The following MYT1L variants were observed in gnomAD, a reference collection of about 807,000 sequenced individuals.
The protein encoded by MYT1L is myelin transcription factor 1 like, also known as myelin transcription factor 1-like protein.
MYT1L carries 12 observed loss-of-function variants against 126.7 expected under a neutral mutation model. The observed-to-expected ratio is 0.09, with a 90% CI of 0.06 to 0.15. The LOEUF is 0.15. Ranked by LOEUF, MYT1L falls within the 10% of genes least tolerant of loss-of-function variation. The probability of loss-of-function intolerance (pLI) is 1.00; values close to 1 mark genes in which losing one functional copy is unlikely to be tolerated. For synonymous variants in MYT1L, 541 were observed against 604.2 expected, an observed-to-expected ratio of 0.90 and a Z score of 1.53; for missense variants, 979 against 1,585.2, an observed-to-expected ratio of 0.62 and a Z score of 6.49.
At chr2:1,983,977 TTCTAAG>T (rs2060807967) in intron 5 of MYT1L, among the ~76,000 whole-genome samples, 9 of 152,368 alleles carry the variant, frequency 5.9e-5, no homozygotes, top group Admixed American at 5.9e-4. Flanking sequence ...TAAGGACGTT[TTCTAAG>T]ATTTAAAATT....
intron 3 of MYT1L, among the ~76,000 whole-genome samples, chr2:2,127,254 A>G (rs1411162904): frequency 2.6e-5 from 4 of 151,974 alleles, no homozygotes; most frequent in Non-Finnish European, 4.4e-5. Flanking sequence ...TCCACCCCAT[A>G]TGTGTTTTAG....
chr2:2,006,602 G>A (rs1217758223), intron 4 of MYT1L, among the ~76,000 whole-genome samples: 1 of 151,930 alleles, frequency 6.6e-6, no homozygotes, highest in Non-Finnish European at 1.5e-5. Flanking sequence ...TTGAGACAGG[G>A]TCTCACTCTG....
intron 4 of MYT1L, among the ~76,000 whole-genome samples, chr2:2,003,942 A>AGTTCTTTCCTGCATGC (rs1476429382): frequency 8.1e-5 from 12 of 148,950 alleles, no homozygotes; most frequent in African/African-American, 2.2e-4. Flanking sequence ...TTCCTGCATG[A>AGTTCTTTCCTGCATGC]GTTCTTTCCT....
rs76657064 is a variant in MYT1L at position 1,964,156 on chromosome 2, C to A, written c.152+15009G>T. Among the ~76,000 whole-genome samples, 634 of 152,180 alleles carry A rather than the reference C, an allele frequency of 4.2e-3. 2 individuals are homozygous for A. Among genetic ancestry groups the A allele is most frequent in the Non-Finnish European group, 7.6e-3 (517 of 68,016 alleles). On this transcript the variant is annotated intron_variant, in intron 8 of 24. Transcript: ENST00000647738. Reference sequence around the variant, plus strand: ...TATTGTGTCTCAGGGAATAGGAAGGCCTGAGGAGCAGGGAGAGGTGGTGGA... The same window carrying A: ...TATTGTGTCTCAGGGAATAGGAAGGACTGAGGAGCAGGGAGAGGTGGTGGA...
intron 18 of MYT1L, among the ~76,000 whole-genome samples, chr2:1,878,303 T>C (rs1355289217): frequency 6.6e-6 from 1 of 152,038 alleles, no homozygotes; most frequent in Non-Finnish European, 1.5e-5. Flanking sequence ...ACAAACTGCA[T>C]TAAACAAAAA....
chr2:2,266,865 C>T (rs983541066), intron 2 of MYT1L, among the ~76,000 whole-genome samples: 2 of 152,224 alleles, frequency 1.3e-5, no homozygotes, highest in African/African-American at 2.4e-5. Context: ...GACTTTGCTT[C>T]TCCCTTGCCT....
chr2:1,978,940 G>A (rs2060384679), intron 8 of MYT1L, among the ~76,000 whole-genome samples: 1 of 152,092 alleles, frequency 6.6e-6, no homozygotes. Flanking sequence ...GCCTGAATTT[G>A]TGTCATCCTA....
intron 2 of MYT1L, among the ~76,000 whole-genome samples, chr2:2,207,928 G>A (rs576027818): frequency 2.0e-5 from 3 of 152,102 alleles, no homozygotes; most frequent in South Asian, 2.1e-4. Context: ...CCCGAAGCAC[G>A]TCTCTCTCTG....
chr2:1,860,215 T>TGCCAGA (rs1409314884), intron 18 of MYT1L, among the ~76,000 whole-genome samples: 1 of 152,172 alleles, frequency 6.6e-6, no homozygotes, highest in East Asian at 1.9e-4. Flanking sequence ...TGGGAACTGC[T>TGCCAGA]GCCAGAGCAC....
intron 8 of MYT1L, among the ~76,000 whole-genome samples, chr2:1,972,738 C>T (rs1212068249): frequency 6.6e-6 from 1 of 152,204 alleles, no homozygotes; most frequent in Non-Finnish European, 1.5e-5. Flanking sequence ...CCATGGCACC[C>T]ACACTGGCAG....
At chr2:1,903,685 T>TA (rs2050641252) in intron 13 of MYT1L, among the ~76,000 whole-genome samples, 1 of 152,052 alleles carries the variant, frequency 6.6e-6, no homozygotes, top group African/African-American at 2.4e-5. Flanking sequence ...GTTGCCTCGA[T>TA]AAAAAATCCC....
chr2:1,805,625 C>A (rs1378574874), intron 22 of MYT1L, among the ~76,000 whole-genome samples: 1 of 152,166 alleles, frequency 6.6e-6, no homozygotes, highest in Non-Finnish European at 1.5e-5. Context: ...GTGGCTTACA[C>A]CTGTAATCCC....
At chr2:1,899,144 G>T (rs2050009082) in intron 14 of MYT1L, among the ~76,000 whole-genome samples, 1 of 152,230 alleles carries the variant, frequency 6.6e-6, no homozygotes, top group Non-Finnish European at 1.5e-5. Flanking sequence ...AGATATAATA[G>T]GCCAGGGGTT....
intron 2 of MYT1L, among the ~76,000 whole-genome samples, chr2:2,247,913 G>C (rs1001617820): frequency 1.3e-5 from 2 of 151,900 alleles, no homozygotes; most frequent in African/African-American, 4.8e-5. Flanking sequence ...ATTTATAGCT[G>C]TAAGTGCTTA....
intron 14 of MYT1L, among the ~76,000 whole-genome samples, chr2:1,898,189 C>T (rs958791470): frequency 2.6e-5 from 4 of 152,120 alleles, no homozygotes; most frequent in Non-Finnish European, 5.9e-5. Context: ...AACATGTCTC[C>T]ACAATATGAA....
chr2:2,182,726 T>C (rs1255721788), intron 2 of MYT1L, among the ~76,000 whole-genome samples: 1 of 152,174 alleles, frequency 6.6e-6, no homozygotes, highest in Non-Finnish European at 1.5e-5. Context: ...TCCCTTTGGG[T>C]TTTGGGGAAG....
intron 1 of MYT1L, among the ~76,000 whole-genome samples, chr2:2,300,058 A>G (rs2095759829): frequency 6.6e-6 from 1 of 152,228 alleles, no homozygotes; most frequent in Admixed American, 6.5e-5. Flanking sequence ...GTAAGGCTTT[A>G]TATCAGGAAA....
At chr2:1,807,659 CT>C (rs1010231239) in intron 22 of MYT1L, among the ~76,000 whole-genome samples, 4 of 152,168 alleles carry the variant, frequency 2.6e-5, no homozygotes, top group Non-Finnish European at 4.4e-5. Context: ...GGGGACCAGT[CT>C]GCTCAATGGC....
intron 3 of MYT1L, among the ~76,000 whole-genome samples, chr2:2,070,035 A>G (rs113940797): frequency 0.012 from 1,802 of 152,024 alleles, 16 homozygotes; most frequent in Non-Finnish European, 0.016. Context: ...ACTCAAAACC[A>G]TAATGAGATA....
Sources: gnomAD v4.1 joint callset for allele counts (sites outside exome capture counted in the v4.1 genomes callset) on GRCh38, gnomAD v4.1.1 for gene constraint, MANE v1.5 for transcripts, NCBI Gene and HGNC (gene_info 2026-07-23, HGNC 2026-07-21) for gene names.